Variants in CTNNA3 observed in about 807,000 individuals in gnomAD.
CTNNA3 encodes the protein catenin alpha 3.
Under a neutral mutation model 95.7 loss-of-function variants are expected in CTNNA3, and 76 were observed. The observed-to-expected ratio is 0.79, with a 90% CI of 0.66 to 0.96. The LOEUF is 0.96. CTNNA3 is among the 40% of genes least tolerant of loss of function. CTNNA3 has a pLI of 0.00. For synonymous variants in CTNNA3, 431 were observed against 374.4 expected (o/e 1.15, Z -1.74); for missense variants, 1,191 against 1,089.8 (o/e 1.09, Z -1.31).
chr10:67,354,380 C>T (rs770842085), intron 5 of CTNNA3, among the ~76,000 whole-genome samples: 1 of 151,990 alleles, frequency 6.6e-6, no homozygotes, highest in African/African-American at 2.4e-5. Flanking sequence ...GTGATAAGTA[C>T]CTTCAACTTG....
intron 13 of CTNNA3, among the ~76,000 whole-genome samples, chr10:66,151,399 A>C (rs1381996380): frequency 6.6e-6 from 1 of 151,986 alleles, no homozygotes; most frequent in African/African-American, 2.4e-5. Context: ...GTATGTGCAA[A>C]TATTAGGAGT....
At chr10:67,522,875 A>T (rs1429349592) in intron 4 of CTNNA3, among the ~76,000 whole-genome samples, 1 of 152,128 alleles carries the variant, frequency 6.6e-6, no homozygotes, top group Non-Finnish European at 1.5e-5. Flanking sequence ...CTCTCTCTTT[A>T]TGTCATTTAT....
In CTNNA3 at chr10:66,851,004, C is replaced by T. The variant is rs534138563; in HGVS notation, c.1048-75480G>A. Among the ~76,000 whole-genome samples, 17 of 152,202 alleles carry T rather than the reference C, an allele frequency of 1.1e-4. 1 individual carries two copies. Among genetic ancestry groups the T allele is most frequent in the African/African-American group, 3.9e-4 (16 of 41,540 alleles). On this transcript the variant is annotated intron_variant, in intron 7 of 17. Transcript: ENST00000433211. ...ATTATACCCTGTTTTCATCATCACC[C>T]TCTCTACCAAAAACTTTGCATGACA...
chr10:66,772,467 T>C (rs927316519), intron 8 of CTNNA3, among the ~76,000 whole-genome samples: 89 of 146,818 alleles, frequency 6.1e-4, no homozygotes, highest in African/African-American at 2.1e-3. Context: ...AGAAAACAGG[T>C]TAATGTGTTG....
intron 1 of CTNNA3, among the ~76,000 whole-genome samples, chr10:67,664,519 T>C (rs1170513806): frequency 6.6e-6 from 1 of 152,202 alleles, no homozygotes; most frequent in Non-Finnish European, 1.5e-5. Flanking sequence ...ATATTTTCTC[T>C]CTCATCTATC....
chr10:65,950,712 T>C (rs1214974398), intron 17 of CTNNA3, among the ~76,000 whole-genome samples: 1 of 152,216 alleles, frequency 6.6e-6, no homozygotes, highest in Non-Finnish European at 1.5e-5. Context: ...GAAATAATTG[T>C]TTATGCTAAG....
intron 7 of CTNNA3, among the ~76,000 whole-genome samples, chr10:66,909,883 C>A (rs1300097890): frequency 6.6e-6 from 1 of 152,052 alleles, no homozygotes; most frequent in African/African-American, 2.4e-5. Flanking sequence ...CTTTTCAACA[C>A]ACATATATTG....
At chr10:67,480,249 T>C (rs575694483) in intron 5 of CTNNA3, among the ~76,000 whole-genome samples, 248 of 152,272 alleles carry the variant, frequency 1.6e-3, no homozygotes, top group African/African-American at 5.6e-3. Flanking sequence ...GCTACAAAAG[T>C]AGCATCAGCC....
chr10:67,008,743 G>A (rs1036205154), intron 7 of CTNNA3, among the ~76,000 whole-genome samples: 1 of 152,104 alleles, frequency 6.6e-6, no homozygotes, highest in African/African-American at 2.4e-5. Context: ...GCTAGCTCAG[G>A]CATATTCACA....
intron 7 of CTNNA3, among the ~76,000 whole-genome samples, chr10:66,812,171 T>C (rs1428514139): frequency 6.6e-6 from 1 of 152,114 alleles, no homozygotes; most frequent in Non-Finnish European, 1.5e-5. Flanking sequence ...TGAAGTAACT[T>C]GCCAAGGATA....
At chr10:66,692,800 C>T (rs563652130) in intron 9 of CTNNA3, among the ~76,000 whole-genome samples, 2 of 152,162 alleles carry the variant, frequency 1.3e-5, no homozygotes, top group South Asian at 2.1e-4. Flanking sequence ...AGAGTGGGGG[C>T]CAATATTCAA....
At chr10:67,175,142 G>C (rs1188934007) in intron 7 of CTNNA3, among the ~76,000 whole-genome samples, 9 of 143,352 alleles carry the variant, frequency 6.3e-5, no homozygotes, top group African/African-American at 2.3e-4. Flanking sequence ...AAGGGAGGGA[G>C]GGAGGGAGGG....
intron 13 of CTNNA3, among the ~76,000 whole-genome samples, chr10:66,124,831 A>G (rs1372742146): frequency 6.6e-6 from 1 of 152,026 alleles, no homozygotes; most frequent in African/African-American, 2.4e-5. Context: ...GAAAAGACCC[A>G]CCCTCTTAAT....
At chr10:66,590,584 T>C (rs1232657202) in intron 10 of CTNNA3, among the ~76,000 whole-genome samples, 1 of 152,076 alleles carries the variant, frequency 6.6e-6, no homozygotes, top group East Asian at 1.9e-4. Context: ...ATGAGGACCA[T>C]GAATCAGAAA....
At chr10:67,457,138 C>T (rs953938125) in intron 5 of CTNNA3, among the ~76,000 whole-genome samples, 4 of 152,180 alleles carry the variant, frequency 2.6e-5, no homozygotes, top group Non-Finnish European at 4.4e-5. Flanking sequence ...TTTCCACTAA[C>T]TGTCAGCAGC....
At chr10:66,310,359 A>T (rs1015065266) in intron 12 of CTNNA3, among the ~76,000 whole-genome samples, 1 of 152,182 alleles carries the variant, frequency 6.6e-6, no homozygotes, top group Non-Finnish European at 1.5e-5. Context: ...ATCCGATATC[A>T]TATGGACAAA....
chr10:66,058,792 A>G lies in CTNNA3; in HGVS notation c.2159+10516T>C, dbSNP rs145500646. On this transcript the variant is annotated intron_variant, in intron 15 of 17. Coordinates refer to ENST00000433211, the MANE Select transcript of CTNNA3 (RefSeq NM_013266.4). ...CTGAGACCATGTTTAGGGATATTAT[A>G]GAAACATAATACCAGAAGGATTACT... 1.3e-3 allele frequency among the ~76,000 whole-genome samples: 200 copies of G among 152,302 alleles called. 2 individuals are homozygous for G. Among genetic ancestry groups the G allele is most frequent in the Middle Eastern group, 3.4e-3 (1 of 294 alleles).
chr10:66,996,411 C>A (rs558196142), intron 7 of CTNNA3, among the ~76,000 whole-genome samples: 1 of 151,868 alleles, frequency 6.6e-6, no homozygotes, highest in Non-Finnish European at 1.5e-5. Context: ...TTTGGGAGGC[C>A]GAGACGGGCA....
In CTNNA3 at chr10:66,069,184, A is replaced by G. The variant is rs940685023; in HGVS notation, c.2159+124T>C. On this transcript the variant is annotated intron_variant, in intron 15 of 17. Coordinates refer to ENST00000433211, the MANE Select transcript of CTNNA3 (RefSeq NM_013266.4). ...TGTACACCTACAACTTTCTAATACT[A>G]TATTTGCTTTTCCCCTACCACCTGA... 4.8e-6 allele frequency: 4 copies of G among 829,640 alleles called. No individual in the cohort carries two copies. In the African/African-American group the frequency reaches 6.8e-5, roughly 14 times the overall value. 51.4% of individuals were successfully genotyped at this position (829,640 alleles called of 1,614,324 possible). A position where few individuals can be genotyped will look rare whatever the true frequency, so the allele number is the denominator to read the frequency against.
Sources: gnomAD v4.1 joint callset for allele counts (sites outside exome capture counted in the v4.1 genomes callset) on GRCh38, gnomAD v4.1.1 for gene constraint, MANE v1.5 for transcripts, NCBI Gene and HGNC (gene_info 2026-07-23, HGNC 2026-07-21) for gene names.